CRACD: variants seen among roughly 807,000 people sequenced by gnomAD.
The protein encoded by CRACD is capping protein-inhibiting regulator of actin dynamics.
A neutral mutation model predicts 106.8 loss-of-function variants in CRACD; 56 were observed. The observed-to-expected ratio is 0.52, with a 90% CI of 0.42 to 0.66. The LOEUF (loss-of-function observed/expected upper bound fraction) is 0.66. CRACD is among the 30% of genes least tolerant of loss of function. CRACD has a pLI of 0.00. For synonymous variants in CRACD, 754 were observed against 670.8 expected (o/e 1.12, Z -1.92); for missense variants, 1,730 against 1,623.2 (o/e 1.07, Z -1.13).
rs568875287 is a variant in CRACD at position 56,197,699 on chromosome 4, A to G, written c.-189+18269A>G. ...GTGCAGGGTGATTTTTTTTTTTTGAAACGGAGTCTCACTCTGTTGCCCCGC... is the reference window on the plus strand; with the variant it reads ...GTGCAGGGTGATTTTTTTTTTTTGAGACGGAGTCTCACTCTGTTGCCCCGC... On this transcript the variant is annotated intron_variant, in intron 2 of 10. Coordinates refer to ENST00000682029, the MANE Select transcript of CRACD (RefSeq NM_001393381.1). 1.2e-3 allele frequency among the ~76,000 whole-genome samples: 189 copies of G among 151,560 alleles called. 1 individual carries two copies. Among genetic ancestry groups the G allele is most frequent in the Non-Finnish European group, 1.6e-3 (109 of 67,824 alleles).
At chr4:56,313,417 C>T (rs1024423924) in intron 7 of CRACD, 38 bp downstream of exon 7, 1 of 1,574,866 alleles carries the variant, frequency 6.3e-7, no homozygotes, top group Non-Finnish European at 8.7e-7. Flanking sequence ...GGCAGGTGCC[C>T]TTGCCTACTG....
At chr4:56,217,004 A>AAAAAAAAAAAAAAG (rs1560487501) in intron 2 of CRACD, among the ~76,000 whole-genome samples, 3 of 119,364 alleles carry the variant, frequency 2.5e-5, no homozygotes, top group African/African-American at 9.5e-5. Context: ...AAAAAAAAAG[A>AAAAAAAAAAAAAAG]AAAAAAAAAA....
At chr4:56,096,939 G>A in intron 1 of CRACD, among the ~76,000 whole-genome samples, 1 of 152,180 alleles carries the variant, frequency 6.6e-6, no homozygotes, top group Admixed American at 6.5e-5. Flanking sequence ...TTTAAAGATG[G>A]AAAACAACAT....
At chr4:56,283,155 A>C (rs1243898107) in intron 3 of CRACD, among the ~76,000 whole-genome samples, 2 of 152,280 alleles carry the variant, frequency 1.3e-5, no homozygotes, top group South Asian at 2.1e-4. Flanking sequence ...GGGTTTCAGC[A>C]TCCCAGGACC....
At chr4:56,239,484 A>T (rs1403490764) in intron 2 of CRACD, among the ~76,000 whole-genome samples, 1 of 152,006 alleles carries the variant, frequency 6.6e-6, no homozygotes, top group African/African-American at 2.4e-5. Context: ...TTAATGTCAG[A>T]GTACATGTTG....
intron 1 of CRACD, among the ~76,000 whole-genome samples, chr4:56,096,631 T>TAAAA (rs34745267): frequency 1.4e-5 from 2 of 146,408 alleles, no homozygotes; most frequent in Non-Finnish European, 3.0e-5. Flanking sequence ...GACCTTGTCT[T>TAAAA]AAAAAAAAAA....
chr4:56,294,250 T>C (rs1743861145), intron 3 of CRACD, among the ~76,000 whole-genome samples: 1 of 151,036 alleles, frequency 6.6e-6, no homozygotes, highest in South Asian at 2.1e-4. Flanking sequence ...TCAGCAGTCA[T>C]GTTATTATAA....
intron 5 of CRACD, 106 bp from the exon 6 acceptor site, chr4:56,310,560 C>T: frequency 3.8e-6 from 3 of 788,624 alleles, no homozygotes; most frequent in South Asian, 1.5e-5. Context: ...AGCTGCACCC[C>T]TGTGTAGAGG....
chr4:56,280,570 G>A (rs1313925861), intron 3 of CRACD, among the ~76,000 whole-genome samples: 7 of 152,136 alleles, frequency 4.6e-5, no homozygotes, highest in Admixed American at 1.3e-4. Flanking sequence ...CTTGCCATTC[G>A]TTGTATTTCC....
chr4:56,060,757 A>T (rs1271164547), intron 1 of CRACD, among the ~76,000 whole-genome samples: 1 of 152,172 alleles, frequency 6.6e-6, no homozygotes, highest in Non-Finnish European at 1.5e-5. Flanking sequence ...GGAGGTGATT[A>T]TAATGGTCGT....
chr4:56,165,064 C>T (rs912695497), intron 1 of CRACD, among the ~76,000 whole-genome samples: 1 of 152,158 alleles, frequency 6.6e-6, no homozygotes, highest in African/African-American at 2.4e-5. Context: ...TTGCAGATTC[C>T]AGAGCAGCTC....
At chr4:56,163,180 T>A (rs962747720) in intron 1 of CRACD, among the ~76,000 whole-genome samples, 1 of 152,160 alleles carries the variant, frequency 6.6e-6, no homozygotes, top group Non-Finnish European at 1.5e-5. Context: ...AAAATGAGTC[T>A]CTGCCTTCGA....
intron 1 of CRACD, among the ~76,000 whole-genome samples, chr4:56,174,159 A>T (rs1441078835): frequency 6.6e-6 from 1 of 152,128 alleles, no homozygotes; most frequent in Non-Finnish European, 1.5e-5. Flanking sequence ...TTTGATTTTT[A>T]AATTTTTAAT....
Position 56,321,547 on chromosome 4 carries a change from T to C in CRACD, c.3188-1830T>C, listed in dbSNP as rs549205447. Among the ~76,000 whole-genome samples the C allele has an allele frequency of 2.0e-5, 3 of 152,350 alleles. No homozygotes were observed. In the East Asian group the frequency reaches 5.8e-4, roughly 29 times the overall value. ...TTCCCTTTGGTATAATAGCTTTCTA[T>C]AGAAATCATTTAGATCTTGGCAACT... On this transcript the variant is annotated intron_variant, in intron 8 of 10. Transcript: ENST00000682029.
chr4:56,073,674 G>C (rs1732740290), intron 1 of CRACD, among the ~76,000 whole-genome samples: 1 of 152,130 alleles, frequency 6.6e-6, no homozygotes, highest in African/African-American at 2.4e-5. Context: ...TCTGATGATA[G>C]TTTCTTTTAC....
rs867397479 is a variant in CRACD, at chr4:56,248,705, C to A, written c.-188-23616C>A. ...TCGTCATCTAGCATTAGGTATATCT[C>A]CCAAAGCTATCCCTCCCCCCTCCCC... On this transcript the variant is annotated intron_variant, in intron 2 of 10. Transcript: ENST00000682029. 3.9e-4 allele frequency among the ~76,000 whole-genome samples: 57 copies of A among 145,804 alleles called. No individual in the cohort carries two copies. In the South Asian group the frequency reaches 4.7e-3, roughly 12 times the overall value.
Position 56,316,182 on chromosome 4 carries a change from G to C in CRACD, c.2680G>C (p.Glu894Gln), listed in dbSNP as rs1453734816. ...PAAGSARGEK[E>Q]MEGVALKHGP... ...AGCGGGGAGCGCTCGTGGAGAGAAA[G>C]AGATGGAGGGTGTGGCCCTCAAGCA... Residue 894 changes from glutamate (E) to glutamine (Q), a missense_variant, in exon 8 of 11, where the codon GAG becomes CAG. Physicochemically the swap from Glu to Gln is conservative, Grantham distance 29. This residue lies in a region of CRACD where 1,620 missense variants were observed against 1,481.6 expected (regional missense o/e 1.09). Coordinates refer to ENST00000682029, the MANE Select transcript of CRACD (RefSeq NM_001393381.1). 6.2e-7 allele frequency: 1 copy of C among 1,614,160 alleles called. No individual in the cohort carries two copies. Among genetic ancestry groups the C allele is most frequent in the African/African-American group, 1.3e-5 (1 of 75,044 alleles).
At chr4:56,218,582 C>G (rs1013632035) in intron 2 of CRACD, among the ~76,000 whole-genome samples, 2 of 146,342 alleles carry the variant, frequency 1.4e-5, no homozygotes, top group African/African-American at 5.1e-5. Context: ...CCTCCTTCCC[C>G]TCCCCTCCCT....
chr4:56,255,278 T>G lies in CRACD; in HGVS notation c.-188-17043T>G, dbSNP rs574054885. Among the ~76,000 whole-genome samples, 5 of 152,272 alleles carry G rather than the reference T, an allele frequency of 3.3e-5. No homozygotes were observed. The South Asian group carries it at 1.0e-3, about 32-fold the overall frequency. On this transcript the variant is annotated intron_variant, in intron 2 of 10. Coordinates refer to ENST00000682029, the MANE Select transcript of CRACD (RefSeq NM_001393381.1). ...TCTAACTGATTAGCCCATTTGCAGT[T>G]AAACCAGTGGTAGCCACAAAAGTTA... is the stretch of plus-strand genomic sequence containing the variant.
Sources: gnomAD v4.1 joint callset for allele counts (sites outside exome capture counted in the v4.1 genomes callset) on GRCh38, gnomAD v4.1.1 for gene constraint, gnomAD v4.1.1 regional missense constraint, MANE v1.5 for transcripts, NCBI Gene and HGNC (gene_info 2026-07-23, HGNC 2026-07-21) for gene names.